PTK2: variants seen among roughly 807,000 people sequenced by gnomAD.
PTK2 encodes the protein focal adhesion kinase 1.
A neutral mutation model predicts 150.1 loss-of-function variants in PTK2; 45 were observed. That is an observed-to-expected ratio of 0.30 (90% CI 0.24 to 0.38). The LOEUF (loss-of-function observed/expected upper bound fraction) is 0.38, where lower values mean the gene tolerates loss of function less well. Ranked by LOEUF, PTK2 falls within the 10% of genes least tolerant of loss-of-function variation. PTK2 has a pLI of 1.00. For synonymous variants in PTK2, 432 were observed against 449.2 expected (o/e 0.96, Z 0.48); for missense variants, 919 against 1,307.3 (o/e 0.70, Z 4.58).
chr8:140,773,092 C>G (rs2100076440), intron 14 of PTK2, among the ~76,000 whole-genome samples: 1 of 152,232 alleles, frequency 6.6e-6, no homozygotes, highest in African/African-American at 2.4e-5. Context: ...TACTTTTCTA[C>G]TGTTCATTTC....
At position 140,864,524 on chromosome 8, in the gene PTK2, A is replaced by G. The variant is rs1443817927; in HGVS notation, c.363-125T>C. ...TGAAAGATGATTTCAAATAAAAGCTATCATCAATTAATCTTTAAATGTAAT... is the reference window on the plus strand; with the variant it reads ...TGAAAGATGATTTCAAATAAAAGCTGTCATCAATTAATCTTTAAATGTAAT... On this transcript the variant is annotated intron_variant, in intron 4 of 31. Transcript: ENST00000522684. The G allele has an allele frequency of 5.9e-6, 3 of 505,356 alleles. No homozygotes were observed. In the Admixed American group the frequency reaches 1.2e-4, roughly 20 times the overall value. 31.3% of individuals were successfully genotyped at this position (505,356 alleles called of 1,614,324 possible).
intron 23 of PTK2, among the ~76,000 whole-genome samples, chr8:140,707,325 C>A (rs1005474734): frequency 2.0e-5 from 3 of 152,162 alleles, no homozygotes; most frequent in African/African-American, 7.2e-5. Context: ...CACGGTGAGA[C>A]CCCGTCTCTA....
At chr8:140,800,618 C>G (rs757644127) in intron 11 of PTK2, 42 bp from the exon 12 acceptor site, 44 of 1,490,252 alleles carry the variant, frequency 3.0e-5, no homozygotes, top group Non-Finnish European at 3.8e-5. Flanking sequence ...CATTGTTCTT[C>G]CCAGTAAGCA....
At chr8:140,708,975 A>G (rs1425609882) in intron 23 of PTK2, among the ~76,000 whole-genome samples, 1 of 152,102 alleles carries the variant, frequency 6.6e-6, no homozygotes, top group Non-Finnish European at 1.5e-5. Context: ...AGGCAAAAAA[A>G]AAAAAAAAGT....
intron 1 of PTK2, among the ~76,000 whole-genome samples, chr8:140,988,044 C>CAA (rs71310813): frequency 5.9e-5 from 6 of 101,444 alleles, no homozygotes; most frequent in East Asian, 5.6e-4. Flanking sequence ...GACCCTGTCT[C>CAA]AAAAAAAAAA....
rs112812659 is a variant in PTK2, at chr8:140,996,099, C to CA, written c.-122+5025dup. ...TAAAACAAAACAAAACAAAACAAAA[C>CA]AAAGGAAAAGAAAACAGCCTTATTG... On this transcript the variant is annotated intron_variant, in intron 1 of 31. Transcript: ENST00000522684. Among the ~76,000 whole-genome samples, 832 of 151,736 alleles carry CA rather than the reference C, an allele frequency of 5.5e-3. 8 individuals carry two copies. Among genetic ancestry groups the CA allele is most frequent in the African/African-American group, 0.018 (761 of 41,298 alleles).
intron 7 of PTK2, among the ~76,000 whole-genome samples, chr8:140,845,125 T>G (rs2100124597): frequency 6.6e-6 from 1 of 152,182 alleles, no homozygotes; most frequent in African/African-American, 2.4e-5. Flanking sequence ...GCTTCCTGGC[T>G]CCTTGCTACC....
intron 16 of PTK2, among the ~76,000 whole-genome samples, chr8:140,755,162 C>T (rs527513753): frequency 2.8e-4 from 43 of 152,098 alleles, no homozygotes; most frequent in African/African-American, 9.4e-4. Context: ...GATTTAATAA[C>T]GGATTTTAAG....
chr8:140,909,061 A>C (rs1018922578), intron 2 of PTK2: 2 of 152,984 alleles, frequency 1.3e-5, no homozygotes, highest in African/African-American at 4.8e-5. Flanking sequence ...GTTTGGTGGC[A>C]TGTGCCTGTA....
chr8:140,735,021 G>C (rs1188809951), intron 22 of PTK2: 8 of 562,278 alleles, frequency 1.4e-5, no homozygotes, highest in South Asian at 4.2e-5. Flanking sequence ...CTAGGGGAGA[G>C]AGATTTGACC....
Position 140,879,985 on chromosome 8 carries a change from C to T in PTK2, c.196-348G>A, listed in dbSNP as rs148173634. ...TCACCCCCCAACCTGTCAAAGCACA[C>T]CAGCTATCTTTCAGTTACTACTTTC... On this transcript the variant is annotated intron_variant, in intron 3 of 31. Transcript: ENST00000522684. Among the ~76,000 whole-genome samples, 655 of 152,246 alleles carry T rather than the reference C, an allele frequency of 4.3e-3. 4 individuals are homozygous for T. The highest frequency in any genetic ancestry group is 0.015 in the African/African-American group (624 of 41,556).
At chr8:140,990,366 C>T (rs1053368362) in intron 1 of PTK2, among the ~76,000 whole-genome samples, 1 of 152,040 alleles carries the variant, frequency 6.6e-6, no homozygotes, top group African/African-American at 2.4e-5. Flanking sequence ...TCCTGAATAG[C>T]TGGGACTATA....
At chr8:140,860,000 A>G (rs2100135116) in intron 5 of PTK2, among the ~76,000 whole-genome samples, 2 of 152,258 alleles carry the variant, frequency 1.3e-5, no homozygotes, top group Non-Finnish European at 2.9e-5. Context: ...AGTATATTCA[A>G]AACTTTCTTG....
chr8:140,741,862 G>A (rs550046750), intron 20 of PTK2, among the ~76,000 whole-genome samples: 2 of 152,304 alleles, frequency 1.3e-5, no homozygotes, highest in African/African-American at 4.8e-5. Context: ...ATGGAGGCTG[G>A]ACATGATGGT....
exon 21 of PTK2, chr8:140,739,018 C>A: frequency 6.5e-7 from 1 of 1,537,824 alleles, no homozygotes; most frequent in South Asian, 1.3e-5. Flanking sequence ...GAGTACTCAC[C>A]AAACATCCAT....
intron 1 of PTK2, among the ~76,000 whole-genome samples, chr8:140,927,785 A>T (rs2100170019): frequency 6.6e-6 from 1 of 151,114 alleles, no homozygotes; most frequent in Admixed American, 6.6e-5. Flanking sequence ...GTAAAACCCC[A>T]TCTGTACTAA....
At chr8:140,818,422 C>G in intron 9 of PTK2, 68 bp from the exon 10 acceptor site, 1 of 1,388,162 alleles carries the variant, frequency 7.2e-7, no homozygotes, top group Non-Finnish European at 1.0e-6. Flanking sequence ...AGATAAAGAG[C>G]CGTGGATATG....
intron 7 of PTK2, among the ~76,000 whole-genome samples, chr8:140,836,326 CT>C (rs1326991887): frequency 6.6e-6 from 1 of 152,070 alleles, no homozygotes; most frequent in Admixed American, 6.6e-5. Context: ...CGTTTGTGTC[CT>C]TGAAAAGAAA....
chr8:140,818,288 T>C, exon 10 of PTK2: 1 of 1,613,608 alleles, frequency 6.2e-7, no homozygotes, highest in Non-Finnish European at 8.5e-7. Flanking sequence ...TTGCAGCCCT[T>C]GTCCGTTAGG....
Sources: allele counts gnomAD v4.1 joint callset (sites outside exome capture counted in the v4.1 genomes callset), GRCh38; gene constraint gnomAD v4.1.1; transcripts MANE v1.5; gene names NCBI Gene and HGNC (gene_info 2026-07-23, HGNC 2026-07-21).